The following DNM3 variants were observed in gnomAD, a reference collection of about 807,000 sequenced individuals.
The protein encoded by DNM3 is dynamin-3.
DNM3 carries 47 observed loss-of-function variants against 101.6 expected under a neutral mutation model. That is an observed-to-expected ratio of 0.46 (90% CI 0.37 to 0.59). The LOEUF (loss-of-function observed/expected upper bound fraction) is 0.59, where lower values mean the gene tolerates loss of function less well. DNM3 is among the 20% of genes least tolerant of loss of function. The pLI is 0.00. For missense variants in DNM3, 849 were observed against 1,085.7 expected, an observed-to-expected ratio of 0.78 and a Z score of 3.06; for synonymous variants, 385 against 387.9, an observed-to-expected ratio of 0.99 and a Z score of 0.09.
chr1:171,930,203 G>A (rs1458418837), intron 2 of DNM3, among the ~76,000 whole-genome samples: 3 of 150,926 alleles, frequency 2.0e-5, no homozygotes, highest in Non-Finnish European at 3.0e-5. Flanking sequence ...CTGGAATGGC[G>A]AAGTCACCCC....
At chr1:172,415,547 T>TTTTTTTTA (rs2071400076), downstream of DNM3, among the ~76,000 whole-genome samples, 1 of 149,050 alleles carries the variant, frequency 6.7e-6, no homozygotes, top group Non-Finnish European at 1.5e-5. Flanking sequence ...TTTTTTTTTT[T>TTTTTTTTA]GAGACAGAGT....
chr1:172,117,205 CAA>C (rs879796172), intron 13 of DNM3, among the ~76,000 whole-genome samples: 18 of 129,010 alleles, frequency 1.4e-4, no homozygotes, highest in Admixed American at 1.6e-4. Flanking sequence ...AACTCCATCT[CAA>C]AAAAAAAAAA....
chr1:172,021,523 G>A (rs1253236150), intron 4 of DNM3, among the ~76,000 whole-genome samples: 2 of 152,150 alleles, frequency 1.3e-5, no homozygotes, highest in African/African-American at 2.4e-5. Flanking sequence ...GTTAAAGGGG[G>A]TTATTTTTAA....
intron 20 of DNM3, among the ~76,000 whole-genome samples, chr1:172,390,806 G>T (rs1453582738): frequency 1.3e-5 from 2 of 152,234 alleles, no homozygotes; most frequent in African/African-American, 4.8e-5. Flanking sequence ...GAGTGGGAAG[G>T]CTGGAGTGCC....
At chr1:172,153,461 T>A (rs17361789) in intron 14 of DNM3, among the ~76,000 whole-genome samples, 2 of 152,034 alleles carry the variant, frequency 1.3e-5, no homozygotes, top group Non-Finnish European at 2.9e-5. Context: ...TTTCCCATAC[T>A]TCAATATATG....
At chr1:171,961,269 G>A (rs2043192923) in intron 2 of DNM3, among the ~76,000 whole-genome samples, 1 of 152,100 alleles carries the variant, frequency 6.6e-6, no homozygotes, top group Non-Finnish European at 1.5e-5. Flanking sequence ...GGGTAGAAAG[G>A]AAGAGGTAGA....
In DNM3 at chr1:172,057,923, C is replaced by G. The variant is rs1296423520; in HGVS notation, c.1335+9173C>G. Among the ~76,000 whole-genome samples the G allele has an allele frequency of 1.5e-5, 2 of 136,180 alleles. 1 individual carries two copies. Among genetic ancestry groups the G allele is most frequent in the African/African-American group, 5.8e-5 (2 of 34,414 alleles). 89.3% of individuals were successfully genotyped at this position (136,180 alleles called of 152,430 possible). A position where few individuals can be genotyped will look rare whatever the true frequency, so the allele number is the denominator to read the frequency against. On this transcript the variant is annotated intron_variant, in intron 10 of 20. Transcript: ENST00000627582. ...GCAAGTTGGATAAAGAGTCAAGACC[C>G]ATCAGTGTGCTGTATTCAGGAAACC...
intron 15 of DNM3, among the ~76,000 whole-genome samples, chr1:172,263,124 G>A (rs889732716): frequency 5.3e-5 from 8 of 152,124 alleles, no homozygotes; most frequent in African/African-American, 7.2e-5. Context: ...TCAATAGATT[G>A]TAGAAACAAA....
intron 14 of DNM3, among the ~76,000 whole-genome samples, chr1:172,232,473 G>T (rs1294872141): frequency 6.6e-6 from 1 of 152,136 alleles, no homozygotes; most frequent in East Asian, 1.9e-4. Context: ...ACATAAGACA[G>T]ATCAACGAGA....
intron 1 of DNM3, among the ~76,000 whole-genome samples, chr1:171,909,568 G>A (rs1161256450): frequency 6.6e-6 from 1 of 152,104 alleles, no homozygotes; most frequent in African/African-American, 2.4e-5. Flanking sequence ...TAAATGATGT[G>A]GTGAGGTTAC....
chr1:172,198,855 T>A (rs1380683089), intron 14 of DNM3, among the ~76,000 whole-genome samples: 1 of 151,926 alleles, frequency 6.6e-6, no homozygotes, highest in Admixed American at 6.6e-5. Flanking sequence ...TTTCAAAAAA[T>A]CAACTCCTGG....
At chr1:172,081,724 T>A (rs746455508) in intron 11 of DNM3, 108 bp from the exon 12 acceptor site, 2 of 848,556 alleles carry the variant, frequency 2.4e-6, no homozygotes, top group Non-Finnish European at 3.7e-6. Context: ...AATTGAAGTA[T>A]CCTTTAAAAA....
At chr1:171,904,883 C>A (rs1474040212) in intron 1 of DNM3, among the ~76,000 whole-genome samples, 1 of 152,146 alleles carries the variant, frequency 6.6e-6, no homozygotes, top group East Asian at 1.9e-4. Flanking sequence ...TTACCTTCAA[C>A]AGAACCACGG....
intron 15 of DNM3, among the ~76,000 whole-genome samples, chr1:172,272,472 C>T (rs1012333535): frequency 3.3e-5 from 5 of 152,076 alleles, no homozygotes; most frequent in African/African-American, 9.7e-5. Context: ...GGGCACCCAC[C>T]CTTGCCTTTG....
intron 14 of DNM3, among the ~76,000 whole-genome samples, chr1:172,174,084 G>T (rs2059067116): frequency 6.6e-6 from 1 of 151,606 alleles, no homozygotes; most frequent in Non-Finnish European, 1.5e-5. Flanking sequence ...ATGTTAATAA[G>T]AAAAACTAGC....
chr1:171,849,166 T>G (rs1373175373), intron 1 of DNM3, among the ~76,000 whole-genome samples: 1 of 152,212 alleles, frequency 6.6e-6, no homozygotes, highest in African/African-American at 2.4e-5. Flanking sequence ...TTATGGTGCT[T>G]ATTTTTTTAG....
At position 172,388,785 on chromosome 1, in the gene DNM3, C is replaced by T. The variant is rs984484164; in HGVS notation, c.2498C>T (p.Thr833Met). The T allele has an allele frequency of 2.3e-5, 37 of 1,592,510 alleles. No individual in the cohort carries two copies. The highest frequency in any genetic ancestry group is 4.0e-5 in the African/African-American group (3 of 74,242). The change falls in exon 20 of 21, where the codon ACG becomes ATG. Residue 833 changes from threonine to methionine, a missense_variant. By Grantham distance (81) the Thr-to-Met change is moderately conservative. Transcript: ENST00000627582. Reference sequence around the variant, plus strand: ...CCTCCACAAGTTCCATCTAGGCCTACGAGGGCCCCGCCCAGTGTCCCAAGG... The same window carrying T: ...CCTCCACAAGTTCCATCTAGGCCTATGAGGGCCCCGCCCAGTGTCCCAAGG... Reference protein sequence around the residue: ...GAPPQVPSRPTRAPPSVPSRR... With the variant: ...GAPPQVPSRPMRAPPSVPSRR...
intron 17 of DNM3, among the ~76,000 whole-genome samples, chr1:172,371,302 A>G (rs568259518): frequency 4.6e-5 from 7 of 152,150 alleles, no homozygotes; most frequent in African/African-American, 1.7e-4. Flanking sequence ...CATTTGGTAT[A>G]ATAAACCCAC....
chr1:172,023,576 C>A (rs1312578471), intron 4 of DNM3, among the ~76,000 whole-genome samples: 1 of 152,020 alleles, frequency 6.6e-6, no homozygotes, highest in Non-Finnish European at 1.5e-5. Flanking sequence ...TCTCTGGAAA[C>A]TTTTTAGTAT....
Sources: gnomAD v4.1 joint callset for allele counts (sites outside exome capture counted in the v4.1 genomes callset) on GRCh38, gnomAD v4.1.1 for gene constraint, MANE v1.5 for transcripts, NCBI Gene and HGNC (gene_info 2026-07-23, HGNC 2026-07-21) for gene names.